Variants in UGT1A10 observed in about 807,000 individuals in gnomAD.
UGT1A10 encodes UDP glucuronosyltransferase family 1 member A10.
UGT1A10 carries 49 observed loss-of-function variants against 45.8 expected under a neutral mutation model. That is an observed-to-expected ratio of 1.07 (90% CI 0.85 to 1.36). UGT1A10 has a LOEUF of 1.36. UGT1A10 is among the 40% of genes most tolerant of loss of function. The pLI is 0.00. For missense variants in UGT1A10, 745 were observed against 668.6 expected (o/e 1.11, Z -1.26); for synonymous variants, 284 against 249.7 (o/e 1.14, Z -1.29).
intron 1 of UGT1A10, chr2:233,754,819 C>A (rs768110391): frequency 7.5e-7 from 1 of 1,334,292 alleles, no homozygotes; most frequent in Non-Finnish European, 1.0e-6. Flanking sequence ...AAACCACCCT[C>A]AAAAGCTGGA....
At chr2:233,766,761 T>G (rs1575822555) in intron 1 of UGT1A10, among the ~76,000 whole-genome samples, 1 of 152,230 alleles carries the variant, frequency 6.6e-6, no homozygotes, top group African/African-American at 2.4e-5. Context: ...TGTGTGTGCA[T>G]GTACCTGTGC....
chr2:233,712,866 G>A (rs1236935374), intron 1 of UGT1A10: 3 of 1,573,916 alleles, frequency 1.9e-6, no homozygotes, highest in African/African-American at 1.4e-5. Flanking sequence ...CTGGAGGAGG[G>A]CACTCTGTCT....
chr2:233,691,086 T>A (rs2075027853), intron 1 of UGT1A10: 9 of 986,154 alleles, frequency 9.1e-6, no homozygotes, highest in Non-Finnish European at 9.6e-6. Context: ...GTTTGTAGCA[T>A]CTCTTGATCC....
At chr2:233,656,146 G>C (rs2073847929) in intron 1 of UGT1A10, among the ~76,000 whole-genome samples, 1 of 152,102 alleles carries the variant, frequency 6.6e-6, no homozygotes, top group Non-Finnish European at 1.5e-5. Flanking sequence ...ATTTATGAAG[G>C]CCATCCTGAC....
At chr2:233,716,425 C>T (rs967388404) in intron 1 of UGT1A10, among the ~76,000 whole-genome samples, 13 of 152,316 alleles carry the variant, frequency 8.5e-5, no homozygotes, top group African/African-American at 3.1e-4. Flanking sequence ...TTATTCAAAA[C>T]TTGGAGGTTT....
chr2:233,756,958 C>A (rs1696367405), intron 1 of UGT1A10, among the ~76,000 whole-genome samples: 1 of 151,964 alleles, frequency 6.6e-6, no homozygotes, highest in Non-Finnish European at 1.5e-5. Context: ...GGACTTGGCA[C>A]TTGGTAAGCA....
intron 1 of UGT1A10, chr2:233,671,730 A>T (rs2074197987): frequency 4.3e-6 from 5 of 1,173,208 alleles, no homozygotes; most frequent in Non-Finnish European, 5.6e-6. Flanking sequence ...TGTTGTCTGG[A>T]AAACATACAA....
chr2:233,687,509 G>A (rs1242887907), intron 1 of UGT1A10, among the ~76,000 whole-genome samples: 2 of 150,958 alleles, frequency 1.3e-5, no homozygotes, highest in Non-Finnish European at 2.9e-5. Context: ...GAGGCACAGA[G>A]GGGTTGAGTG....
chr2:233,732,326 T>G (rs2078260709), intron 1 of UGT1A10, among the ~76,000 whole-genome samples: 1 of 152,270 alleles, frequency 6.6e-6, no homozygotes, highest in African/African-American at 2.4e-5. Flanking sequence ...TGGCTTTTGT[T>G]GCCATTGCTT....
intron 1 of UGT1A10, among the ~76,000 whole-genome samples, chr2:233,734,109 T>C (rs1028372875): frequency 6.6e-6 from 1 of 152,072 alleles, no homozygotes; most frequent in African/African-American, 2.4e-5. Flanking sequence ...AGTATAATAA[T>C]AATAATAATA....
chr2:233,659,715 A>G lies in UGT1A10; in HGVS notation c.855+22338A>G, dbSNP rs779544700. ...TACTGTCTGACATTTTTGCTCTTTCAGTTCTTTAAAAATGCTTGATATAGT... is the reference window on the plus strand; with the variant it reads ...TACTGTCTGACATTTTTGCTCTTTCGGTTCTTTAAAAATGCTTGATATAGT... On this transcript the variant is annotated intron_variant, in intron 1 of 4. Transcript: ENST00000344644. Among the ~76,000 whole-genome samples, 793 of 152,282 alleles carry G rather than the reference A, an allele frequency of 5.2e-3. 4 individuals carry two copies. Among genetic ancestry groups the G allele is most frequent in the Non-Finnish European group, 8.6e-3 (586 of 68,022 alleles).
chr2:233,747,052 G>A (rs1432721744), intron 1 of UGT1A10, among the ~76,000 whole-genome samples: 1 of 151,950 alleles, frequency 6.6e-6, no homozygotes, highest in African/African-American at 2.4e-5. Flanking sequence ...GAAAGACAAT[G>A]ATTGGTTAAT....
chr2:233,675,501 A>G (rs940829614), intron 1 of UGT1A10, among the ~76,000 whole-genome samples: 1 of 152,182 alleles, frequency 6.6e-6, no homozygotes, highest in African/African-American at 2.4e-5. Flanking sequence ...GGATATGGTT[A>G]CAGATAAATA....
At chr2:233,684,956 TGAAAA>T (rs72373468) in intron 1 of UGT1A10, among the ~76,000 whole-genome samples, 42,574 of 151,734 alleles carry the variant, frequency 0.28, 6,430 homozygotes, top group South Asian at 0.4. Context: ...ATCTGTCTGA[TGAAAA>T]GAAAGCATTG....
At chr2:233,680,914 A>T (rs12474215) in intron 1 of UGT1A10, among the ~76,000 whole-genome samples, 27,636 of 151,946 alleles carry the variant, frequency 0.18, 2,733 homozygotes, top group Non-Finnish European at 0.23. Context: ...AATGTATCTG[A>T]GGAAAGCCAT....
intron 1 of UGT1A10, among the ~76,000 whole-genome samples, chr2:233,667,345 C>A (rs971659201): frequency 6.6e-6 from 1 of 152,170 alleles, no homozygotes; most frequent in Non-Finnish European, 1.5e-5. Context: ...AAAGCTGAAA[C>A]TGGATCCCTT....
chr2:233,702,821 G>T (rs769310431), intron 1 of UGT1A10, among the ~76,000 whole-genome samples: 8 of 152,166 alleles, frequency 5.3e-5, no homozygotes, highest in Non-Finnish European at 1.2e-4. Context: ...ACTTGATTGT[G>T]TTGTATAATC....
intron 1 of UGT1A10, among the ~76,000 whole-genome samples, chr2:233,638,178 C>T (rs1306119324): frequency 6.6e-6 from 1 of 152,128 alleles, no homozygotes; most frequent in Non-Finnish European, 1.5e-5. Context: ...ACATATATGT[C>T]TCACTATTTA....
intron 1 of UGT1A10, chr2:233,692,916 A>G (rs1474045639): frequency 6.4e-7 from 1 of 1,563,928 alleles, no homozygotes; most frequent in African/African-American, 1.4e-5. Context: ...TGTGAAAAGC[A>G]GTGGTTAGTT....
Sources: allele counts gnomAD v4.1 joint callset (sites outside exome capture counted in the v4.1 genomes callset), GRCh38; gene constraint gnomAD v4.1.1; transcripts MANE v1.5; gene names NCBI Gene and HGNC (gene_info 2026-07-23, HGNC 2026-07-21).